Variants in RALGPS1 observed in about 807,000 individuals in gnomAD.
The protein encoded by RALGPS1 is ras-specific guanine nucleotide-releasing factor RalGPS1.
RALGPS1 carries 19 observed loss-of-function variants against 78.8 expected under a neutral mutation model. The ratio of observed to expected loss-of-function variants is 0.24; its 90% CI spans 0.17 to 0.35. The LOEUF (loss-of-function observed/expected upper bound fraction) is 0.35, where lower values mean the gene tolerates loss of function less well. RALGPS1 is among the 10% of genes least tolerant of loss of function. RALGPS1 has a pLI of 1.00. For synonymous variants in RALGPS1, 228 were observed against 256.3 expected (o/e 0.89, Z 1.06); for missense variants, 454 against 688.3 (o/e 0.66, Z 3.81).
At chr9:127,082,713 C>T (rs968126527) in intron 8 of RALGPS1, among the ~76,000 whole-genome samples, 6 of 152,066 alleles carry the variant, frequency 3.9e-5, no homozygotes, top group South Asian at 2.1e-4. Flanking sequence ...TTTTCTGTTA[C>T]GTTGAAGAGA....
At chr9:127,099,925 G>T (rs774801642) in intron 8 of RALGPS1, among the ~76,000 whole-genome samples, 6 of 152,178 alleles carry the variant, frequency 3.9e-5, no homozygotes, top group Non-Finnish European at 7.4e-5. Context: ...GAGTGTTTCA[G>T]GAGTTGATGA....
At chr9:127,214,958 A>AGAAG in intron 18 of RALGPS1, 116 bp downstream of exon 18, 1 of 1,515,692 alleles carries the variant, frequency 6.6e-7, no homozygotes. Flanking sequence ...CCACACTCTC[A>AGAAG]GATACCCTCT....
At chr9:126,947,489 A>T (rs1444833848) in intron 1 of RALGPS1, among the ~76,000 whole-genome samples, 6 of 152,196 alleles carry the variant, frequency 3.9e-5, no homozygotes, top group Non-Finnish European at 8.8e-5. Flanking sequence ...AATCCAAAAA[A>T]TCAGAAATCT....
intron 1 of RALGPS1, among the ~76,000 whole-genome samples, chr9:126,916,047 C>T (rs146838369): frequency 1.2e-4 from 19 of 152,260 alleles, no homozygotes; most frequent in African/African-American, 4.3e-4. Flanking sequence ...TTAGTACCTG[C>T]CTGTGTGCCT....
intron 8 of RALGPS1, among the ~76,000 whole-genome samples, chr9:127,083,182 T>G (rs1468972479): frequency 1.3e-5 from 2 of 152,242 alleles, no homozygotes; most frequent in Non-Finnish European, 2.9e-5. Context: ...CCTCCTTCTC[T>G]GGGAACCTAC....
chr9:126,944,236 G>A (rs576745180), intron 1 of RALGPS1, among the ~76,000 whole-genome samples: 23 of 152,374 alleles, frequency 1.5e-4, no homozygotes, highest in African/African-American at 5.3e-4. Context: ...TCTCACAGCA[G>A]CAGTGGAGAG....
intron 5 of RALGPS1, among the ~76,000 whole-genome samples, chr9:127,038,033 C>A (rs188262033): frequency 4.5e-4 from 68 of 152,274 alleles, no homozygotes; most frequent in South Asian, 1.2e-3. Flanking sequence ...TATCATAGAC[C>A]TTCTTTTCTC....
intron 4 of RALGPS1, among the ~76,000 whole-genome samples, chr9:127,027,937 C>A (rs1041838586): frequency 1.3e-5 from 2 of 152,208 alleles, no homozygotes; most frequent in African/African-American, 4.8e-5. Context: ...GTGGATTCAG[C>A]AAGTTACAGC....
intron 8 of RALGPS1, among the ~76,000 whole-genome samples, chr9:127,116,356 G>C (rs2055418865): frequency 6.6e-6 from 1 of 152,004 alleles, no homozygotes; most frequent in Admixed American, 6.5e-5. Flanking sequence ...GGAGCTGGTT[G>C]CCTTTTCCGG....
At chr9:127,114,949 G>A (rs956564393) in intron 8 of RALGPS1, among the ~76,000 whole-genome samples, 1 of 152,184 alleles carries the variant, frequency 6.6e-6, no homozygotes, top group African/African-American at 2.4e-5. Context: ...TGAAATGTAT[G>A]GTGTGCTGGT....
intron 8 of RALGPS1, among the ~76,000 whole-genome samples, chr9:127,144,045 T>C (rs1352850582): frequency 6.6e-6 from 1 of 152,242 alleles, no homozygotes; most frequent in African/African-American, 2.4e-5. Context: ...GCCTCTGCTC[T>C]GAAGTCATCT....
intron 4 of RALGPS1, among the ~76,000 whole-genome samples, chr9:126,992,453 C>T (rs1564377065): frequency 6.6e-6 from 1 of 152,160 alleles, no homozygotes; most frequent in Non-Finnish European, 1.5e-5. Context: ...TAGTGTACAT[C>T]CTTAAAGTTT....
chr9:127,127,636 C>T (rs1050015298), intron 8 of RALGPS1, among the ~76,000 whole-genome samples: 2 of 152,038 alleles, frequency 1.3e-5, no homozygotes, highest in African/African-American at 4.8e-5. Context: ...CCTGTTGGAG[C>T]ACCTTATGTA....
intron 8 of RALGPS1, among the ~76,000 whole-genome samples, chr9:127,114,124 A>AGGCGGCCTGTTATTTGAG (rs2055150289): frequency 6.6e-6 from 1 of 152,232 alleles, no homozygotes; most frequent in Non-Finnish European, 1.5e-5. Context: ...AGCCCTCGGA[A>AGGCGGCCTGTTATTTGAG]GGCGGCCTGT....
At chr9:127,108,540 C>A (rs773708357) in intron 8 of RALGPS1, 2 of 1,613,242 alleles carry the variant, frequency 1.2e-6, no homozygotes, top group Admixed American at 1.7e-5. Flanking sequence ...CACCCGTGAC[C>A]CGCTGCTGGG....
intron 14 of RALGPS1, among the ~76,000 whole-genome samples, chr9:127,203,180 G>A (rs1311820785): frequency 1.3e-5 from 2 of 152,226 alleles, no homozygotes; most frequent in East Asian, 3.8e-4. Context: ...CGGCGATCAT[G>A]TATGTATATA....
At chr9:127,135,745 G>A (rs933290445) in intron 8 of RALGPS1, among the ~76,000 whole-genome samples, 3 of 152,186 alleles carry the variant, frequency 2.0e-5, no homozygotes, top group Non-Finnish European at 4.4e-5. Context: ...AAAGACAAAG[G>A]CAAGGGGACT....
chr9:127,206,120 A>G (rs1186456221), intron 14 of RALGPS1, among the ~76,000 whole-genome samples: 4 of 152,250 alleles, frequency 2.6e-5, no homozygotes, highest in Admixed American at 2.0e-4. Flanking sequence ...AGCATAGGCC[A>G]TGGCCTAATT....
At chr9:127,171,998 T>C (rs2059591236) in intron 10 of RALGPS1, among the ~76,000 whole-genome samples, 1 of 152,212 alleles carries the variant, frequency 6.6e-6, no homozygotes, top group African/African-American at 2.4e-5. Context: ...GAATCATAAT[T>C]CTTACTGTTT....
Sources: allele counts gnomAD v4.1 joint callset (sites outside exome capture counted in the v4.1 genomes callset), GRCh38; gene constraint gnomAD v4.1.1; transcripts MANE v1.5; gene names NCBI Gene and HGNC (gene_info 2026-07-23, HGNC 2026-07-21).